TBC1D8B: variants seen among roughly 807,000 people sequenced by gnomAD.
The protein encoded by TBC1D8B is TBC1 domain family member 8B, also known as RP11-321G1.1.
A neutral mutation model predicts 82.9 loss-of-function variants in TBC1D8B; 75 were observed. The observed-to-expected ratio is 0.90, with a 90% CI of 0.75 to 1.10. The LOEUF is 1.10. Ranked by LOEUF, TBC1D8B falls within the 50% of genes least tolerant of loss-of-function variation. TBC1D8B has a pLI of 0.00. For missense variants in TBC1D8B, 794 were observed against 796.9 expected, an observed-to-expected ratio of 1.00 and a Z score of 0.04; for synonymous variants, 276 against 276.8, an observed-to-expected ratio of 1.00 and a Z score of 0.03.
At chrX:106,803,622 T>C (rs1931100006) in intron 1 of TBC1D8B, among the ~76,000 whole-genome samples, 1 of 111,672 alleles carries the variant, frequency 9.0e-6, no homozygotes, top group African/African-American at 3.3e-5. Context: ...TCAAAGGCTA[T>C]TAACAACGTC....
chrX:106,859,355 T>C (rs1253147295), intron 14 of TBC1D8B, among the ~76,000 whole-genome samples: 1 of 112,089 alleles, frequency 8.9e-6, no homozygotes, highest in African/African-American at 3.3e-5. Context: ...GGAATGTTTT[T>C]CATTTGCTTG....
At chrX:106,842,576 G>A (rs771998086) in intron 10 of TBC1D8B, among the ~76,000 whole-genome samples, 2 of 106,964 alleles carry the variant, frequency 1.9e-5, no homozygotes, top group Non-Finnish European at 3.9e-5. Context: ...AAAAACCCAC[G>A]TGAGACACAT....
At chrX:106,858,838 G>T (rs1932745712) in intron 14 of TBC1D8B, among the ~76,000 whole-genome samples, 1 of 111,784 alleles carries the variant, frequency 8.9e-6, no homozygotes, top group Admixed American at 9.5e-5. Flanking sequence ...TTTTATAGTT[G>T]TAGGTTTTAC....
At position 106,839,533 on chromosome X, in the gene TBC1D8B, G is replaced by A. The variant is rs1932254409; in HGVS notation, c.1353+76G>A. The A allele has an allele frequency of 6.0e-6, 6 of 1,001,618 alleles. No individual in the cohort carries two copies. The South Asian group carries it at 1.4e-4, about 24-fold the overall frequency. 82.5% of individuals were successfully genotyped at this position (1,001,618 alleles called of 1,213,427 possible). A position where few individuals can be genotyped will look rare whatever the true frequency, so the allele number is the denominator to read the frequency against. On this transcript the variant is annotated intron_variant, in intron 8 of 20. Coordinates refer to ENST00000357242, the MANE Select transcript of TBC1D8B (RefSeq NM_017752.3). ...TAAAAATCTTAAAAGCAGACTAGAA[G>A]GTATCACAACTGAAAACTCTTCTTT... is the stretch of plus-strand genomic sequence containing the variant.
At chrX:106,862,789 T>TG (rs1932786767) in intron 14 of TBC1D8B, among the ~76,000 whole-genome samples, 1 of 96,274 alleles carries the variant, frequency 1.0e-5, no homozygotes, top group Non-Finnish European at 2.1e-5. Flanking sequence ...TTTTTTTTTT[T>TG]TTTTTTTTTT....
At chrX:106,840,463 G>A (rs1434116953) in intron 9 of TBC1D8B, among the ~76,000 whole-genome samples, 3 of 111,347 alleles carry the variant, frequency 2.7e-5, no homozygotes, top group Admixed American at 1.9e-4. Flanking sequence ...AGTTAAGGGG[G>A]AAAAAAGCTC....
intron 12 of TBC1D8B, 27 bp from the exon 13 acceptor site, chrX:106,853,494 T>A: frequency 8.4e-7 from 1 of 1,190,299 alleles, no homozygotes; most frequent in Non-Finnish European, 1.1e-6. Context: ...TTCCACTAAT[T>A]CTTGTATTAC....
rs1310777006 is a variant in TBC1D8B, at chrX:106,833,601, A to AT, written c.1204-5700dup. ...TGTTTTTTATTTTATTTCTTTTGTC[A>AT]TTTTTTTAAATTTTCTAACCACCTA... On this transcript the variant is annotated intron_variant, in intron 7 of 20. Coordinates refer to ENST00000357242, the MANE Select transcript of TBC1D8B (RefSeq NM_017752.3). Among the ~76,000 whole-genome samples, 19 of 111,597 alleles carry AT rather than the reference A, an allele frequency of 1.7e-4. 1 individual carries two copies. The highest frequency in any genetic ancestry group is 5.8e-4 in the African/African-American group (18 of 30,786).
intron 12 of TBC1D8B, among the ~76,000 whole-genome samples, chrX:106,853,168 T>A (rs1370272968): frequency 9.0e-6 from 1 of 111,271 alleles, no homozygotes; most frequent in Non-Finnish European, 1.9e-5. Flanking sequence ...TCCTAGGTAT[T>A]TTATTCTCTT....
At chrX:106,823,926 C>G (rs1931767347) in intron 5 of TBC1D8B, among the ~76,000 whole-genome samples, 1 of 111,408 alleles carries the variant, frequency 9.0e-6, no homozygotes, top group African/African-American at 3.3e-5. Context: ...GAAAGTAGAA[C>G]AACCCTTAGA....
chrX:106,859,877 A>G (rs1294392058), intron 14 of TBC1D8B, among the ~76,000 whole-genome samples: 3 of 111,920 alleles, frequency 2.7e-5, no homozygotes, highest in Non-Finnish European at 5.6e-5. Context: ...TTCAATGCCT[A>G]GTTTGTTGAG....
At chrX:106,848,689 T>C (rs763649758) in intron 11 of TBC1D8B, among the ~76,000 whole-genome samples, 1 of 111,771 alleles carries the variant, frequency 8.9e-6, no homozygotes, top group East Asian at 2.8e-4. Flanking sequence ...CTGCTTAAAA[T>C]CTCCATATTT....
At chrX:106,864,361 C>T (rs1932798875) in intron 14 of TBC1D8B, among the ~76,000 whole-genome samples, 1 of 109,996 alleles carries the variant, frequency 9.1e-6, no homozygotes, top group Non-Finnish European at 1.9e-5. Flanking sequence ...TCTCTGTGTC[C>T]CCTTGCTGCT....
chrX:106,870,435 G>C (rs892007614), intron 19 of TBC1D8B, among the ~76,000 whole-genome samples: 2 of 111,584 alleles, frequency 1.8e-5, no homozygotes, highest in Non-Finnish European at 3.8e-5. Flanking sequence ...ATTAAGTCGG[G>C]GTGTATTGTT....
intron 17 of TBC1D8B, 109 bp downstream of exon 17, chrX:106,866,971 A>G (rs1172449278): frequency 1.9e-6 from 1 of 523,181 alleles, no homozygotes; most frequent in African/African-American, 2.4e-5. Flanking sequence ...ATGATATAAG[A>G]TCGTTGCTTC....
At chrX:106,836,204 A>G (rs1304910089) in intron 7 of TBC1D8B, among the ~76,000 whole-genome samples, 2 of 112,028 alleles carry the variant, frequency 1.8e-5, no homozygotes, top group Non-Finnish European at 3.8e-5. Context: ...CACAGGGTGG[A>G]AGGAGAGAGA....
chrX:106,833,132 G>C (rs1295175335), intron 7 of TBC1D8B, among the ~76,000 whole-genome samples: 1 of 111,215 alleles, frequency 9.0e-6, no homozygotes. Flanking sequence ...ATTATACCGA[G>C]TTTATGAAGT....
chrX:106,852,301 G>A (rs1230606721), intron 12 of TBC1D8B, among the ~76,000 whole-genome samples: 1 of 101,990 alleles, frequency 9.8e-6, no homozygotes, highest in Non-Finnish European at 2.0e-5. Flanking sequence ...GTTCATTGTA[G>A]ATTCTGGATA....
intron 14 of TBC1D8B, among the ~76,000 whole-genome samples, chrX:106,861,488 T>G (rs766083891): frequency 3.6e-5 from 4 of 112,100 alleles, no homozygotes; most frequent in African/African-American, 9.7e-5. Context: ...CTTTTTTGTT[T>G]TGTTTTGTTG....
Sources: gnomAD v4.1 joint callset for allele counts (sites outside exome capture counted in the v4.1 genomes callset) on GRCh38, gnomAD v4.1.1 for gene constraint, MANE v1.5 for transcripts, NCBI Gene and HGNC (gene_info 2026-07-23, HGNC 2026-07-21) for gene names.